The following FGF12 variants were observed in gnomAD, a reference collection of about 807,000 sequenced individuals.
FGF12 encodes the protein fibroblast growth factor 12B.
FGF12 carries 14 observed loss-of-function variants against 23.6 expected under a neutral mutation model. The observed-to-expected ratio is 0.59, with a 90% CI of 0.39 to 0.93. The LOEUF (loss-of-function observed/expected upper bound fraction) is 0.93, where lower values mean the gene tolerates loss of function less well. Ranked by LOEUF, FGF12 falls within the 40% of genes least tolerant of loss-of-function variation. The probability of loss-of-function intolerance (pLI) is 0.00; values close to 1 mark genes in which losing one functional copy is unlikely to be tolerated. For missense variants in FGF12, 175 were observed against 217.8 expected, an observed-to-expected ratio of 0.80 and a Z score of 1.24; for synonymous variants, 62 against 77.3, an observed-to-expected ratio of 0.80 and a Z score of 1.04.
At chr3:192,288,138 A>G (rs1028748009) in intron 4 of FGF12, among the ~76,000 whole-genome samples, 1 of 152,106 alleles carries the variant, frequency 6.6e-6, no homozygotes, top group Admixed American at 6.6e-5. Flanking sequence ...TAGAAGTGAC[A>G]AGTTTTCAAG....
intron 2 of FGF12, among the ~76,000 whole-genome samples, chr3:192,538,255 C>T (rs879348877): frequency 7.2e-6 from 1 of 139,100 alleles, no homozygotes; most frequent in Non-Finnish European, 1.6e-5. Flanking sequence ...GCCTTTAATC[C>T]GTTTTTTTTC....
rs117050748 is a variant in FGF12, at chr3:192,179,006, C to T, written c.229-8350G>A. Among the ~76,000 whole-genome samples, 505 of 152,222 alleles carry T rather than the reference C, an allele frequency of 3.3e-3. 8 individuals carry two copies. Among genetic ancestry groups the T allele is most frequent in the East Asian group, 0.031 (162 of 5,180 alleles). On this transcript the variant is annotated intron_variant, in intron 4 of 5. Coordinates refer to ENST00000445105, the MANE Select transcript of FGF12 (RefSeq NM_004113.6). Reference sequence around the variant, plus strand: ...CTGATTTGCTAACTTCATTAATGGCCTTTAGATGGAGAGAACTTGAAAATC... The same window carrying T: ...CTGATTTGCTAACTTCATTAATGGCTTTTAGATGGAGAGAACTTGAAAATC...
At chr3:192,504,123 G>A (rs919911274) in intron 2 of FGF12, among the ~76,000 whole-genome samples, 2 of 152,196 alleles carry the variant, frequency 1.3e-5, no homozygotes, top group Non-Finnish European at 1.5e-5. Context: ...TCACTTATAA[G>A]TGGGAGACAA....
intron 5 of FGF12, among the ~76,000 whole-genome samples, chr3:192,157,067 A>C (rs1004837709): frequency 6.6e-6 from 1 of 152,220 alleles, no homozygotes; most frequent in African/African-American, 2.4e-5. Context: ...CCTTATTTTC[A>C]GACACAAGGA....
intron 2 of FGF12, among the ~76,000 whole-genome samples, chr3:192,463,458 T>A (rs369399399): frequency 2.6e-5 from 4 of 152,114 alleles, no homozygotes; most frequent in African/African-American, 9.7e-5. Context: ...AAAGGAATTA[T>A]CAAAATATTA....
chr3:192,623,885 A>G (rs1242426493), intron 2 of FGF12, among the ~76,000 whole-genome samples: 3 of 152,218 alleles, frequency 2.0e-5, no homozygotes, highest in Non-Finnish European at 4.4e-5. Flanking sequence ...AATCATGACT[A>G]GTTGCCAAAA....
At position 192,620,363 on chromosome 3, in the gene FGF12, G is replaced by A. The variant is rs557449536; in HGVS notation, c.13+106818C>T. ...TTTATAAGCACTCCTTACAGTAATC[G>A]GAGAGTTTGCCAAAAAGGCTTCCAG... On this transcript the variant is annotated intron_variant, in intron 2 of 5. Coordinates refer to ENST00000445105, the MANE Select transcript of FGF12 (RefSeq NM_004113.6). Among the ~76,000 whole-genome samples the A allele has an allele frequency of 1.2e-3, 178 of 152,132 alleles. 1 individual carries two copies. Among genetic ancestry groups the A allele is most frequent in the Non-Finnish European group, 1.7e-3 (113 of 68,010 alleles).
At chr3:192,613,951 C>T (rs1197161027) in intron 2 of FGF12, among the ~76,000 whole-genome samples, 1 of 151,728 alleles carries the variant, frequency 6.6e-6, no homozygotes, top group Non-Finnish European at 1.5e-5. Flanking sequence ...GAATGATCAA[C>T]CTTGGAATGA....
intron 4 of FGF12, among the ~76,000 whole-genome samples, chr3:192,181,284 C>A (rs1209168473): frequency 2.0e-5 from 3 of 151,928 alleles, no homozygotes; most frequent in African/African-American, 7.3e-5. Context: ...AATGACCACA[C>A]CCTAAGTGAG....
At chr3:192,433,286 A>C (rs1721920790) in intron 2 of FGF12, among the ~76,000 whole-genome samples, 1 of 152,210 alleles carries the variant, frequency 6.6e-6, no homozygotes, top group Admixed American at 6.5e-5. Flanking sequence ...ACAGGCCCAA[A>C]GTGTCTTCTT....
chr3:192,497,745 C>T (rs1282206767), intron 2 of FGF12, among the ~76,000 whole-genome samples: 1 of 152,168 alleles, frequency 6.6e-6, no homozygotes, highest in Non-Finnish European at 1.5e-5. Flanking sequence ...AAAAGCAATT[C>T]CCTAGGAGAA....
chr3:192,257,153 T>C (rs1351968896), intron 4 of FGF12, among the ~76,000 whole-genome samples: 1 of 152,170 alleles, frequency 6.6e-6, no homozygotes, highest in Admixed American at 6.6e-5. Context: ...GCTACATGCC[T>C]TTTCTAATTT....
chr3:192,415,733 C>CTCATACAT (rs1553810108), intron 2 of FGF12, among the ~76,000 whole-genome samples: 5 of 100,012 alleles, frequency 5.0e-5, no homozygotes, highest in African/African-American at 8.2e-5. Flanking sequence ...CTCTCTCTCT[C>CTCATACAT]ACACACACAC....
At chr3:192,616,423 C>T (rs921900320) in intron 2 of FGF12, among the ~76,000 whole-genome samples, 8 of 151,958 alleles carry the variant, frequency 5.3e-5, no homozygotes, top group African/African-American at 1.9e-4. Context: ...TCAGCCATCA[C>T]AACATTTCTT....
At chr3:192,553,942 C>T (rs1711639928) in intron 2 of FGF12, among the ~76,000 whole-genome samples, 1 of 152,180 alleles carries the variant, frequency 6.6e-6, no homozygotes, top group Admixed American at 6.5e-5. Context: ...TATACCCTTC[C>T]CCTCTGGCTC....
chr3:192,331,618 G>T (rs903057486), intron 4 of FGF12, among the ~76,000 whole-genome samples: 1 of 151,980 alleles, frequency 6.6e-6, no homozygotes, highest in African/African-American at 2.4e-5. Flanking sequence ...GCATTTTCCC[G>T]CCTATATGAG....
intron 2 of FGF12, among the ~76,000 whole-genome samples, chr3:192,404,178 G>C (rs1207181067): frequency 6.6e-6 from 1 of 152,054 alleles, no homozygotes; most frequent in Admixed American, 6.5e-5. Context: ...TCATGTTCTG[G>C]TTTGAGGTAA....
chr3:192,569,285 G>A (rs1712485054), intron 2 of FGF12, among the ~76,000 whole-genome samples: 1 of 152,290 alleles, frequency 6.6e-6, no homozygotes, highest in East Asian at 1.9e-4. Flanking sequence ...TCAAATATCA[G>A]TTGCTTCATC....
chr3:192,660,046 A>G (rs918661301), intron 2 of FGF12, among the ~76,000 whole-genome samples: 1 of 152,064 alleles, frequency 6.6e-6, no homozygotes, highest in Non-Finnish European at 1.5e-5. Context: ...TGCTGCTATA[A>G]AGACACACAC....
Sources: gnomAD v4.1 joint callset for allele counts (sites outside exome capture counted in the v4.1 genomes callset) on GRCh38, gnomAD v4.1.1 for gene constraint, MANE v1.5 for transcripts, NCBI Gene and HGNC (gene_info 2026-07-23, HGNC 2026-07-21) for gene names.